AKAP6: variants seen among roughly 807,000 people sequenced by gnomAD.
The protein encoded by AKAP6 is A-kinase anchor protein 6.
In AKAP6, 58 loss-of-function variants were observed where a neutral mutation model predicts 188.5. The ratio of observed to expected loss-of-function variants is 0.31; its 90% CI spans 0.25 to 0.38. The LOEUF is 0.38. AKAP6 is among the 10% of genes least tolerant of loss of function. The pLI is 1.00. For synonymous variants in AKAP6, 989 were observed against 998.6 expected, an observed-to-expected ratio of 0.99 and a Z score of 0.18; for missense variants, 2,710 against 2,740.0, an observed-to-expected ratio of 0.99 and a Z score of 0.24.
chr14:32,490,151 G>A (rs928962141), intron 2 of AKAP6, among the ~76,000 whole-genome samples: 2 of 77,550 alleles, frequency 2.6e-5, no homozygotes, highest in South Asian at 6.5e-4. Context: ...TTAGGATAGG[G>A]CAGAACAAAT....
intron 1 of AKAP6, among the ~76,000 whole-genome samples, chr14:32,365,858 C>T (rs1887814718): frequency 6.6e-6 from 1 of 152,166 alleles, no homozygotes; most frequent in African/African-American, 2.4e-5. Flanking sequence ...ACTTGCTAAC[C>T]ACCATTTTTA....
intron 7 of AKAP6, among the ~76,000 whole-genome samples, chr14:32,647,876 A>T (rs946560837): frequency 2.6e-5 from 4 of 152,102 alleles, no homozygotes; most frequent in Non-Finnish European, 5.9e-5. Flanking sequence ...CAAACAATTC[A>T]AAGTATCATA....
At chr14:32,415,551 C>T (rs1889630192) in intron 1 of AKAP6, among the ~76,000 whole-genome samples, 1 of 151,988 alleles carries the variant, frequency 6.6e-6, no homozygotes, top group Non-Finnish European at 1.5e-5. Flanking sequence ...AAATTTATTA[C>T]CTTAGCCATG....
At chr14:32,507,252 C>T (rs756899594) in intron 2 of AKAP6, among the ~76,000 whole-genome samples, 53 of 152,100 alleles carry the variant, frequency 3.5e-4, no homozygotes, top group Non-Finnish European at 6.8e-4. Flanking sequence ...AGACCTGTTC[C>T]AAAATTTGTA....
chr14:32,772,636 C>G (rs142899599), intron 11 of AKAP6, among the ~76,000 whole-genome samples: 1 of 152,324 alleles, frequency 6.6e-6, no homozygotes, highest in African/African-American at 2.4e-5. Context: ...GCGCACCACA[C>G]TTAATCATTT....
At chr14:32,628,871 C>A (rs1887138638) in intron 7 of AKAP6, among the ~76,000 whole-genome samples, 1 of 152,006 alleles carries the variant, frequency 6.6e-6, no homozygotes, top group Admixed American at 6.6e-5. Context: ...ATAAAATGAA[C>A]ACTTTGTTAA....
intron 1 of AKAP6, among the ~76,000 whole-genome samples, chr14:32,377,444 AT>A (rs965949064): frequency 7.3e-5 from 11 of 150,730 alleles, no homozygotes; most frequent in Non-Finnish European, 1.2e-4. Context: ...AACCTCCCAC[AT>A]TTTTTTTTGT....
chr14:32,352,694 C>T (rs1292287188), intron 1 of AKAP6, among the ~76,000 whole-genome samples: 1 of 152,212 alleles, frequency 6.6e-6, no homozygotes, highest in East Asian at 1.9e-4. Flanking sequence ...CTTCACTTAA[C>T]AATGCCCTCC....
intron 7 of AKAP6, among the ~76,000 whole-genome samples, chr14:32,661,995 G>T (rs1888719540): frequency 6.6e-6 from 1 of 151,998 alleles, no homozygotes; most frequent in Admixed American, 6.6e-5. Context: ...GACTCTCAAT[G>T]ATGATTTAAG....
chr14:32,797,682 C>A (rs185932446), intron 12 of AKAP6, among the ~76,000 whole-genome samples: 1 of 152,084 alleles, frequency 6.6e-6, no homozygotes, highest in Admixed American at 6.6e-5. Context: ...GAGCTTAATA[C>A]CTAGGTGATG....
chr14:32,487,588 G>A (rs1879772398), intron 2 of AKAP6, among the ~76,000 whole-genome samples: 1 of 152,200 alleles, frequency 6.6e-6, no homozygotes, highest in Admixed American at 6.5e-5. Context: ...GCCCTTGCTG[G>A]CGAGGAGTTG....
At chr14:32,757,121 G>A (rs187854893) in intron 11 of AKAP6, among the ~76,000 whole-genome samples, 1 of 152,252 alleles carries the variant, frequency 6.6e-6, no homozygotes, top group Admixed American at 6.5e-5. Flanking sequence ...GCTTGGGGAA[G>A]GAGAGACAGC....
At chr14:32,683,851 T>TC (rs1419331889) in intron 8 of AKAP6, among the ~76,000 whole-genome samples, 4 of 152,172 alleles carry the variant, frequency 2.6e-5, no homozygotes, top group African/African-American at 9.7e-5. Flanking sequence ...AAGAGGCTCT[T>TC]CCAGTCATTC....
chr14:32,794,591 C>T (rs900056218), intron 12 of AKAP6, among the ~76,000 whole-genome samples: 4 of 151,970 alleles, frequency 2.6e-5, no homozygotes, highest in Admixed American at 2.6e-4. Flanking sequence ...AATAGTTCTT[C>T]AAAACTAATG....
chr14:32,591,447 C>T (rs1885480336), intron 5 of AKAP6, among the ~76,000 whole-genome samples: 1 of 141,092 alleles, frequency 7.1e-6, no homozygotes, highest in Non-Finnish European at 1.5e-5. Flanking sequence ...ATGTCAGCTT[C>T]AGTAAGATGC....
At chr14:32,725,611 C>T (rs961735968) in intron 9 of AKAP6, among the ~76,000 whole-genome samples, 3 of 152,042 alleles carry the variant, frequency 2.0e-5, no homozygotes, top group African/African-American at 7.2e-5. Flanking sequence ...TATTAATAGC[C>T]TTCTGTCACC....
In AKAP6 at chr14:32,822,741, A is replaced by G. The variant is rs1403709267; in HGVS notation, c.4928A>G (p.Gln1643Arg). 1.9e-6 allele frequency: 3 copies of G among 1,613,908 alleles called. No homozygotes were observed. The highest frequency in any genetic ancestry group is 1.7e-6 in the Non-Finnish European group (2 of 1,179,916). Residue 1643 changes from glutamine to arginine, a missense_variant, in exon 13 of 14, where the codon CAG (glutamine) becomes CGG (arginine). Around this residue, in one of 2 missense-constraint regions of AKAP6, gnomAD observed 2,473 missense variants for 2,426.1 expected, o/e 1.02. Transcript: ENST00000280979. ...LDLLNRLENI[Q>R]SPSEQKIKRS... ...CTCCTGAATCGTTTGGAGAATATCC[A>G]GAGCCCCTCAGAGCAAAAGATAAAA...
chr14:32,464,489 A>C (rs1042727699), intron 2 of AKAP6, among the ~76,000 whole-genome samples: 1 of 152,352 alleles, frequency 6.6e-6, no homozygotes, highest in South Asian at 2.1e-4. Context: ...ATCCAATGAC[A>C]AAAACCACAT....
chr14:32,485,457 T>G (rs1385346476), intron 2 of AKAP6, among the ~76,000 whole-genome samples: 1 of 152,050 alleles, frequency 6.6e-6, no homozygotes, highest in Non-Finnish European at 1.5e-5. Flanking sequence ...TATTTCTCCA[T>G]AGCCTCACCA....
Sources: gnomAD v4.1 joint callset for allele counts (sites outside exome capture counted in the v4.1 genomes callset) on GRCh38, gnomAD v4.1.1 for gene constraint, gnomAD v4.1.1 regional missense constraint, MANE v1.5 for transcripts, NCBI Gene and HGNC (gene_info 2026-07-23, HGNC 2026-07-21) for gene names.